The following SAMD12 variants were observed in gnomAD, a reference collection of about 807,000 sequenced individuals.
SAMD12 encodes sterile alpha motif domain-containing protein 12.
In SAMD12, 9 loss-of-function variants were observed where a neutral mutation model predicts 15.0. The observed-to-expected ratio is 0.60, with a 90% CI of 0.36 to 1.05. The LOEUF (loss-of-function observed/expected upper bound fraction) is 1.05, where lower values mean the gene tolerates loss of function less well. SAMD12 is among the 50% of genes least tolerant of loss of function. SAMD12 has a pLI of 0.01. For missense variants in SAMD12, 230 were observed against 234.2 expected (o/e 0.98, Z 0.12); for synonymous variants, 86 against 90.1 (o/e 0.96, Z 0.25).
At position 118,379,588 on chromosome 8, in the gene SAMD12, T is replaced by C; in HGVS notation, c.435A>G (p.Glu145=). 2 of 1,613,932 alleles carry C rather than the reference T, an allele frequency of 1.2e-6. No individual in the cohort carries two copies. Among genetic ancestry groups the C allele is most frequent in the Non-Finnish European group, 1.7e-6 (2 of 1,179,888 alleles). The change falls in exon 4 of 4, where the codon GAA becomes GAG. Residue 145 remains glutamate, a synonymous_variant. Coordinates refer to ENST00000314727, the MANE Select transcript of SAMD12 (RefSeq NM_207506.3). ...QQVLQLKVRE[E]VRNLQLLTQG... ...GTGTGAGTAACTGTAGATTTCTGAC[T>C]TCTTCTCGCACCTTCAGCTGGAGCA...
chr8:118,284,482 C>A (rs1476398887), intron 4 of SAMD12: 1 of 399,576 alleles, frequency 2.5e-6, no homozygotes, highest in Non-Finnish European at 5.0e-6. Flanking sequence ...CACAAAGAAT[C>A]TGAAATAGTC....
intron 4 of SAMD12, among the ~76,000 whole-genome samples, chr8:118,298,097 T>C (rs540206797): frequency 6.6e-6 from 1 of 152,322 alleles, no homozygotes; most frequent in South Asian, 2.1e-4. Context: ...ATTGTGAATG[T>C]CAAACATACA....
At chr8:118,207,297 G>A (rs17507376) in intron 4 of SAMD12, among the ~76,000 whole-genome samples, 26,956 of 152,110 alleles carry the variant, frequency 0.18, 2,507 homozygotes, top group African/African-American at 0.2. Flanking sequence ...TGCATTTCTG[G>A]GAGAAGCATC....
At position 118,237,604 on chromosome 8, in the gene SAMD12, G is replaced by A. The variant is rs575344629; in HGVS notation, c.434-39872C>T. ...AGGTTATATCACAATGCCACCCAGGGCCTCTTACTATGAGAGGAATTGGAA... is the reference window on the plus strand; with the variant it reads ...AGGTTATATCACAATGCCACCCAGGACCTCTTACTATGAGAGGAATTGGAA... On this transcript the variant is annotated intron_variant, in intron 4 of 4. Transcript: ENST00000409003. 9.9e-5 allele frequency among the ~76,000 whole-genome samples: 15 copies of A among 152,244 alleles called. No individual in the cohort carries two copies. The East Asian group carries it at 2.1e-3, about 22-fold the overall frequency.
At chr8:118,472,809 A>T (rs530529853) in intron 2 of SAMD12, among the ~76,000 whole-genome samples, 84 of 152,208 alleles carry the variant, frequency 5.5e-4, no homozygotes, top group African/African-American at 1.9e-3. Context: ...TTGCTGACTC[A>T]GAATAGAAGG....
intron 4 of SAMD12, among the ~76,000 whole-genome samples, chr8:118,247,205 G>A (rs1812716174): frequency 6.6e-6 from 1 of 152,058 alleles, no homozygotes; most frequent in African/African-American, 2.4e-5. Flanking sequence ...ATCTAAAAAA[G>A]TTGAACTCAT....
At chr8:118,475,298 T>C (rs1167972782) in intron 2 of SAMD12, among the ~76,000 whole-genome samples, 2 of 152,070 alleles carry the variant, frequency 1.3e-5, no homozygotes, top group Non-Finnish European at 2.9e-5. Context: ...TCTTGCTGTC[T>C]CTCTCACGAT....
At chr8:118,564,040 G>A (rs1826780060) in intron 2 of SAMD12, among the ~76,000 whole-genome samples, 1 of 147,026 alleles carries the variant, frequency 6.8e-6, no homozygotes, top group Non-Finnish European at 1.5e-5. Flanking sequence ...AGCATGAGAG[G>A]AGAAGGGGTC....
chr8:118,544,519 G>C (rs543567604), intron 2 of SAMD12, among the ~76,000 whole-genome samples: 2 of 152,280 alleles, frequency 1.3e-5, no homozygotes, highest in East Asian at 3.9e-4. Flanking sequence ...AGATTTGCGA[G>C]GGCTGAAAGT....
At chr8:118,369,688 C>T (rs1256764155) in intron 4 of SAMD12, among the ~76,000 whole-genome samples, 1 of 151,672 alleles carries the variant, frequency 6.6e-6, no homozygotes, top group East Asian at 1.9e-4. Context: ...ATACTCCCGC[C>T]CGGGCAACAA....
chr8:118,292,373 CACAT>C (rs1442224218), intron 4 of SAMD12, among the ~76,000 whole-genome samples: 3 of 151,174 alleles, frequency 2.0e-5, no homozygotes, highest in Admixed American at 1.3e-4. Context: ...CACACACACA[CACAT>C]ATTCCGGAGA....
chr8:118,249,693 A>C (rs2130007020), intron 4 of SAMD12, among the ~76,000 whole-genome samples: 1 of 152,294 alleles, frequency 6.6e-6, no homozygotes, highest in East Asian at 1.9e-4. Flanking sequence ...TCACTAACAA[A>C]AGACATGCAA....
At chr8:118,381,591 CAG>C (rs1819673152) in intron 3 of SAMD12, among the ~76,000 whole-genome samples, 2 of 152,062 alleles carry the variant, frequency 1.3e-5, no homozygotes, top group African/African-American at 4.8e-5. Flanking sequence ...AAGGGAGAGC[CAG>C]AGAGACATGT....
At chr8:118,562,103 A>G (rs1397373545) in intron 2 of SAMD12, among the ~76,000 whole-genome samples, 2 of 152,382 alleles carry the variant, frequency 1.3e-5, no homozygotes, top group South Asian at 2.1e-4. Context: ...ACTGCCGTCT[A>G]ATACCATACA....
At chr8:118,187,722 C>G (rs567945314), downstream of SAMD12, among the ~76,000 whole-genome samples, 6 of 152,296 alleles carry the variant, frequency 3.9e-5, no homozygotes, top group Non-Finnish European at 7.4e-5. Flanking sequence ...AATCTGCCTA[C>G]TCCTTGTTTG....
chr8:118,202,859 A>T (rs1819752677), intron 4 of SAMD12, among the ~76,000 whole-genome samples: 1 of 152,162 alleles, frequency 6.6e-6, no homozygotes, highest in Non-Finnish European at 1.5e-5. Flanking sequence ...AAAAAGTGAG[A>T]TCCATGGTTG....
chr8:118,366,912 A>T (rs62532689), intron 4 of SAMD12, among the ~76,000 whole-genome samples: 10 of 90,644 alleles, frequency 1.1e-4, no homozygotes, highest in South Asian at 3.8e-4. Flanking sequence ...AATAAAATAA[A>T]ATAAAAATGA....
At chr8:118,267,619 T>G (rs1813236361) in intron 4 of SAMD12, among the ~76,000 whole-genome samples, 1 of 152,168 alleles carries the variant, frequency 6.6e-6, no homozygotes, top group African/African-American at 2.4e-5. Flanking sequence ...TTTGGCTTTT[T>G]AGCACATATT....
chr8:118,155,031 A>G, the SAMD12 span, among the ~76,000 whole-genome samples: 922 of 152,322 alleles, frequency 6.1e-3, 3 homozygotes, highest in Middle Eastern at 0.014. Context: ...GACTGCTCAC[A>G]CTATAATTAA....
Sources: allele counts gnomAD v4.1 joint callset (sites outside exome capture counted in the v4.1 genomes callset), GRCh38; gene constraint gnomAD v4.1.1; transcripts MANE v1.5; gene names NCBI Gene and HGNC (gene_info 2026-07-23, HGNC 2026-07-21).